The following C3orf33 variants were observed in gnomAD, a reference collection of about 807,000 sequenced individuals.
C3orf33 encodes AP-1 activity suppressor.
A neutral mutation model predicts 28.7 loss-of-function variants in C3orf33; 23 were observed. The observed-to-expected ratio is 0.80, with a 90% CI of 0.58 to 1.13. The LOEUF (loss-of-function observed/expected upper bound fraction) is 1.13, where lower values mean the gene tolerates loss of function less well. Among genes scored for constraint, C3orf33 ranks in the 50% most tolerant of loss-of-function variants. The pLI is 0.00. For synonymous variants in C3orf33, 119 were observed against 120.5 expected (o/e 0.99, Z 0.08); for missense variants, 327 against 353.4 (o/e 0.93, Z 0.60).
intron 2 of C3orf33, among the ~76,000 whole-genome samples, chr3:155,782,433 C>CA (rs1458569599): frequency 1.3e-5 from 2 of 151,730 alleles, no homozygotes; most frequent in East Asian, 3.9e-4. Context: ...AGGATGCACT[C>CA]AAAAAGACTC....
intron 2 of C3orf33, among the ~76,000 whole-genome samples, chr3:155,787,914 G>A (rs961310448): frequency 3.9e-5 from 6 of 152,066 alleles, no homozygotes; most frequent in South Asian, 2.1e-4. Context: ...AGTATAGGCC[G>A]GGCGCGGTGG....
At chr3:155,782,612 G>C (rs1750960911) in intron 2 of C3orf33, among the ~76,000 whole-genome samples, 1 of 152,150 alleles carries the variant, frequency 6.6e-6, no homozygotes, top group South Asian at 2.1e-4. Context: ...AGTGCTAAAA[G>C]CAAGAAAACT....
Position 155,763,570 on chromosome 3 carries a change from T to C in C3orf33, c.832A>G (p.Ile278Val), listed in dbSNP as rs1351922815. ...WKDNMNNCSL[I>V]LKFRELISRI... Reference sequence around the variant, plus strand: ...CTTATAAGTTCTCTGAACTTCAGTATTAAGGAGCAGTTGTTCATGTTGTCT... The same window carrying C: ...CTTATAAGTTCTCTGAACTTCAGTACTAAGGAGCAGTTGTTCATGTTGTCT... The change falls in exon 5 of 5, where the codon ATA (isoleucine) becomes GTA (valine). Residue 278 changes from isoleucine to valine, a missense_variant. Coordinates refer to ENST00000340171, the MANE Select transcript of C3orf33 (RefSeq NM_001308229.2). 2 of 1,567,996 alleles carry C rather than the reference T, an allele frequency of 1.3e-6. No homozygotes were observed. The highest frequency in any genetic ancestry group is 1.7e-6 in the Non-Finnish European group (2 of 1,167,376).
intron 3 of C3orf33, among the ~76,000 whole-genome samples, chr3:155,772,576 CTTT>C (rs371722784): frequency 6.3e-5 from 9 of 141,798 alleles, no homozygotes; most frequent in Admixed American, 2.1e-4. Context: ...GTGTCAAAAA[CTTT>C]TTTTTTTTTT....
intron 3 of C3orf33, among the ~76,000 whole-genome samples, chr3:155,775,283 A>T (rs1698281661): frequency 6.6e-6 from 1 of 152,170 alleles, no homozygotes; most frequent in South Asian, 2.1e-4. Flanking sequence ...TGAAGTCAGA[A>T]GTCCAAGACC....
intron 2 of C3orf33, 111 bp downstream of exon 2, chr3:155,802,421 A>G: frequency 1.3e-6 from 1 of 764,102 alleles, no homozygotes; most frequent in East Asian, 2.7e-5. Context: ...TACTATTTAA[A>G]AGCTACCAAT....
chr3:155,780,915 G>A (rs1200746788), intron 2 of C3orf33, among the ~76,000 whole-genome samples: 9 of 151,900 alleles, frequency 5.9e-5, no homozygotes, highest in Admixed American at 5.9e-4. Context: ...AATAAGAAAA[G>A]TCCAAAAAAC....
intron 2 of C3orf33, among the ~76,000 whole-genome samples, chr3:155,784,260 AC>A (rs1474630089): frequency 6.6e-6 from 1 of 152,088 alleles, no homozygotes; most frequent in Non-Finnish European, 1.5e-5. Flanking sequence ...TCCACAATGT[AC>A]AAAAATGCGA....
At chr3:155,772,074 G>T (rs911028587) in intron 3 of C3orf33, among the ~76,000 whole-genome samples, 11 of 152,144 alleles carry the variant, frequency 7.2e-5, no homozygotes, top group Admixed American at 6.6e-4. Flanking sequence ...ACATGATGGT[G>T]CACTTCTGTA....
chr3:155,802,684 T>A lies in C3orf33; in HGVS notation c.115-93A>T, dbSNP rs1281386134. On this transcript the variant is annotated intron_variant, in intron 1 of 4. Coordinates refer to ENST00000340171, the MANE Select transcript of C3orf33 (RefSeq NM_001308229.2). The stretch of plus-strand genomic sequence containing the variant: ...AAGGTAGAAAAAAAGAAGACTGTCC[T>A]CTCTATATCTAATGTGTATAAACAA... 3 of 895,818 alleles carry A rather than the reference T, an allele frequency of 3.3e-6. No homozygotes were observed. The Admixed American group carries it at 7.6e-5, about 23-fold the overall frequency. 55.5% of individuals were successfully genotyped at this position (895,818 alleles called of 1,614,324 possible). A position where few individuals can be genotyped will look rare whatever the true frequency, so the allele number is the denominator to read the frequency against.
Position 155,806,156 on chromosome 3 carries a change from G to T in C3orf33, c.97C>A (p.His33Asn). 1.4e-6 allele frequency: 2 copies of T among 1,473,060 alleles called. No individual in the cohort carries two copies. Among genetic ancestry groups the T allele is most frequent in the Non-Finnish European group, 1.8e-6 (2 of 1,105,990 alleles). The allele number at this position is 1,473,060 out of a possible 1,614,324, so 91.2% of individuals were successfully genotyped here. A position where few individuals can be genotyped will look rare whatever the true frequency, so the allele number is the denominator to read the frequency against. The change falls in exon 1 of 5, where the codon CAC becomes AAC. Residue 33 changes from histidine (H) to asparagine (N), a missense_variant. Physicochemically the swap from His to Asn is moderately conservative, Grantham distance 68. Coordinates refer to ENST00000340171, the MANE Select transcript of C3orf33 (RefSeq NM_001308229.2). Reference protein sequence around the residue: ...VARISQWADDHLRLVRNISTG... With the variant: ...VARISQWADDNLRLVRNISTG... ...CCCAGTACCCGGACTAGGCGCAGGTGGTCGTCTGCCCACTGCGAGATCCGA... is the reference window on the plus strand; with the variant it reads ...CCCAGTACCCGGACTAGGCGCAGGTTGTCGTCTGCCCACTGCGAGATCCGA...
intron 2 of C3orf33, among the ~76,000 whole-genome samples, chr3:155,790,405 G>T (rs559475053): frequency 6.6e-6 from 1 of 151,944 alleles, no homozygotes; most frequent in South Asian, 2.1e-4. Flanking sequence ...AAAGGCACAG[G>T]CAACAATTAA....
intron 4 of C3orf33, among the ~76,000 whole-genome samples, chr3:155,766,794 C>T (rs1750417636): frequency 6.6e-6 from 1 of 151,784 alleles, no homozygotes; most frequent in Non-Finnish European, 1.5e-5. Flanking sequence ...ACTAAAAATA[C>T]AAAAAATTAG....
rs112739142 is a variant in C3orf33 at position 155,763,141 on chromosome 3, C to A, written c.*376G>T. 3,866 of 154,706 alleles carry A rather than the reference C, an allele frequency of 0.025. 183 individuals are homozygous for A. Among genetic ancestry groups the A allele is most frequent in the African/African-American group, 0.088 (3,656 of 41,524 alleles). The allele number at this position is 154,706 out of a possible 1,614,324, so 9.6% of individuals were successfully genotyped here. On this transcript the variant is annotated 3_prime_UTR_variant, in exon 5 of 5. Coordinates refer to ENST00000340171, the MANE Select transcript of C3orf33 (RefSeq NM_001308229.2). The stretch of plus-strand genomic sequence containing the variant: ...TCACGCCATTGCACTCCAGCCTGGG[C>A]AACAAGAGCGAAACGCCTTCTCAAA...
intron 2 of C3orf33, among the ~76,000 whole-genome samples, chr3:155,782,163 G>A (rs576545812): frequency 3.7e-4 from 52 of 139,980 alleles, no homozygotes; most frequent in African/African-American, 9.0e-4. Context: ...GCAAGACTCC[G>A]TCTAAAAAAA....
chr3:155,800,610 CAAAA>C (rs58092818), intron 2 of C3orf33, among the ~76,000 whole-genome samples: 194 of 15,558 alleles, frequency 0.012, no homozygotes, highest in African/African-American at 0.035. Flanking sequence ...ACCTTATCTC[CAAAA>C]AAAAAAAAAA....
At chr3:155,785,562 C>G (rs1000563774) in intron 2 of C3orf33, among the ~76,000 whole-genome samples, 1 of 152,010 alleles carries the variant, frequency 6.6e-6, no homozygotes, top group Admixed American at 6.6e-5. Flanking sequence ...AAAAAATTTG[C>G]AAATCTGTGG....
chr3:155,763,876 T>G lies in C3orf33; in HGVS notation c.526A>C (p.Arg176=). Residue 176 remains arginine, a synonymous_variant, in exon 5 of 5, where the codon AGA becomes CGA. Coordinates refer to ENST00000340171, the MANE Select transcript of C3orf33 (RefSeq NM_001308229.2). ...SVNLNEEILR[R]GLGKTVLVKG... ...ACAAGAACAGTTTTGCCAAGGCCTC[T>G]TCTCAAAATTTCTTCATTCAGATTC... 1 of 1,498,832 alleles carries G rather than the reference T, an allele frequency of 6.7e-7. No individual in the cohort carries two copies. Among genetic ancestry groups the G allele is most frequent in the Non-Finnish European group, 8.9e-7 (1 of 1,128,612 alleles). The allele number at this position is 1,498,832 out of a possible 1,614,324, so 92.8% of individuals were successfully genotyped here.
intron 2 of C3orf33, among the ~76,000 whole-genome samples, chr3:155,781,151 C>T (rs1360253051): frequency 6.6e-6 from 1 of 151,628 alleles, no homozygotes; most frequent in Non-Finnish European, 1.5e-5. Context: ...GCGTCCGCCA[C>T]CGCGCCCGGC....
Sources: gnomAD v4.1 joint callset for allele counts (sites outside exome capture counted in the v4.1 genomes callset) on GRCh38, gnomAD v4.1.1 for gene constraint, MANE v1.5 for transcripts, NCBI Gene and HGNC (gene_info 2026-07-23, HGNC 2026-07-21) for gene names.